The following KLF8 variants were observed in gnomAD, a reference collection of about 807,000 sequenced individuals.
The protein encoded by KLF8 is KLF transcription factor 8.
In KLF8, 10 loss-of-function variants were observed where a neutral mutation model predicts 18.2. The observed-to-expected ratio is 0.55, with a 90% confidence interval of 0.34 to 0.93. The LOEUF (loss-of-function observed/expected upper bound fraction) is 0.93. Among genes scored for constraint, KLF8 ranks in the 40% least tolerant of loss-of-function variants. The probability of loss-of-function intolerance (pLI) is 0.02; values close to 1 mark genes in which losing one functional copy is unlikely to be tolerated. For synonymous variants in KLF8, 109 were observed against 97.3 expected, an observed-to-expected ratio of 1.12 and a Z score of -0.71; for missense variants, 264 against 277.9, an observed-to-expected ratio of 0.95 and a Z score of 0.36.
chrX:56,253,154 T>A (rs2066736848), intron 2 of KLF8, among the ~76,000 whole-genome samples: 2 of 112,402 alleles, frequency 1.8e-5, no homozygotes, highest in Admixed American at 1.9e-4. Context: ...TCTCCCAATC[T>A]ATGGGTTGTC....
At chrX:56,077,044 C>G in the KLF8 span, among the ~76,000 whole-genome samples, 1 of 111,403 alleles carries the variant, frequency 9.0e-6, no homozygotes, top group Non-Finnish European at 1.9e-5. Flanking sequence ...GATATTAGCC[C>G]TTTGTCAGAT....
At chrX:56,251,383 A>G (rs1365417172) in intron 2 of KLF8, among the ~76,000 whole-genome samples, 1 of 112,531 alleles carries the variant, frequency 8.9e-6, no homozygotes, top group Non-Finnish European at 1.9e-5. Context: ...TTCATCAGAT[A>G]AAGTTGGTTA....
At chrX:55,933,363 T>A in the KLF8 span, among the ~76,000 whole-genome samples, 2 of 112,143 alleles carry the variant, frequency 1.8e-5, no homozygotes, top group Non-Finnish European at 3.8e-5. Context: ...CCTTATCAGA[T>A]CTACTTACGT....
chrX:56,187,970 G>A, the KLF8 span, among the ~76,000 whole-genome samples: 2 of 111,955 alleles, frequency 1.8e-5, no homozygotes, highest in East Asian at 2.8e-4. Context: ...GCACAAGACA[G>A]TGATGCCCTC....
the KLF8 span, among the ~76,000 whole-genome samples, chrX:56,178,398 G>A: frequency 2.7e-5 from 3 of 111,831 alleles, no homozygotes; most frequent in Non-Finnish European, 5.6e-5. Flanking sequence ...TTGTCACATG[G>A]GTAGATTGCA....
At chrX:56,074,725 T>A in the KLF8 span, 2 of 161,908 alleles carry the variant, frequency 1.2e-5, no homozygotes, top group South Asian at 2.0e-4. Flanking sequence ...GAAATATGAA[T>A]CTTCCAACTT....
the KLF8 span, among the ~76,000 whole-genome samples, chrX:56,002,471 C>T: frequency 9.1e-6 from 1 of 109,515 alleles, no homozygotes; most frequent in African/African-American, 3.3e-5. Context: ...GTCTACCTTC[C>T]TCCAGTAGAC....
At chrX:56,126,181 C>T in the KLF8 span, among the ~76,000 whole-genome samples, 11 of 111,838 alleles carry the variant, frequency 9.8e-5, no homozygotes, top group African/African-American at 3.6e-4. Flanking sequence ...ACCCAGACTT[C>T]CCCATTTCAG....
intron 4 of KLF8, 79 bp from the exon 5 acceptor site, chrX:56,270,103 G>T: frequency 2.1e-6 from 2 of 955,973 alleles, no homozygotes; most frequent in South Asian, 4.8e-5. Context: ...ATATGATGTG[G>T]CACCAATGAA....
intron 1 of KLF8, among the ~76,000 whole-genome samples, chrX:56,247,176 A>G (rs1362484160): frequency 4.5e-5 from 5 of 112,177 alleles, no homozygotes; most frequent in Non-Finnish European, 9.4e-5. Context: ...TATTGCTCCT[A>G]GGCTACAAAC....
chrX:56,106,913 T>G, the KLF8 span, among the ~76,000 whole-genome samples: 1 of 111,834 alleles, frequency 8.9e-6, no homozygotes, highest in East Asian at 2.8e-4. Flanking sequence ...AGATACCATT[T>G]TTATTGATGT....
the KLF8 span, among the ~76,000 whole-genome samples, chrX:56,087,963 A>G: frequency 0.14 from 15,129 of 110,236 alleles, 1,119 homozygotes; most frequent in Non-Finnish European, 0.21. Context: ...GATGAAGCAG[A>G]CATAAAACTG....
the KLF8 span, among the ~76,000 whole-genome samples, chrX:56,061,132 T>C: frequency 8.9e-6 from 1 of 111,821 alleles, no homozygotes; most frequent in African/African-American, 3.3e-5. Context: ...GATTCATTGA[T>C]TTTTTGAAGG....
chrX:55,946,343 C>G, the KLF8 span, among the ~76,000 whole-genome samples: 1 of 111,509 alleles, frequency 9.0e-6, no homozygotes, highest in Non-Finnish European at 1.9e-5. Flanking sequence ...ATATCTACAA[C>G]TATCTGATCT....
At chrX:55,971,183 C>G in the KLF8 span, among the ~76,000 whole-genome samples, 5 of 111,039 alleles carry the variant, frequency 4.5e-5, 1 homozygote, top group African/African-American at 1.6e-4. Flanking sequence ...CTGTAGTAAG[C>G]AAAACAACAT....
the KLF8 span, among the ~76,000 whole-genome samples, chrX:55,921,072 A>G: frequency 8.9e-6 from 1 of 112,434 alleles, no homozygotes; most frequent in African/African-American, 3.2e-5. Context: ...AAAAGTAACT[A>G]TAATCAGAAT....
At chrX:56,212,988 C>T in the KLF8 span, among the ~76,000 whole-genome samples, 1 of 111,922 alleles carries the variant, frequency 8.9e-6, no homozygotes, top group Admixed American at 9.5e-5. Context: ...GTGGCCAATG[C>T]TTTTGCTAAT....
At chrX:56,140,472 T>C in the KLF8 span, among the ~76,000 whole-genome samples, 33 of 111,430 alleles carry the variant, frequency 3.0e-4, no homozygotes, top group African/African-American at 9.5e-4. Context: ...TGGATGGAGA[T>C]GGCAGACATT....
chrX:56,159,828 C>CA, the KLF8 span, among the ~76,000 whole-genome samples: 9 of 111,180 alleles, frequency 8.1e-5, no homozygotes, highest in East Asian at 1.1e-3. Flanking sequence ...TTGATCTTTT[C>CA]AAAAAACAAT....
Sources: gnomAD v4.1 joint callset for allele counts (sites outside exome capture counted in the v4.1 genomes callset) on GRCh38, gnomAD v4.1.1 for gene constraint, MANE v1.5 for transcripts, NCBI Gene and HGNC (gene_info 2026-07-23, HGNC 2026-07-21) for gene names.